Variants in ZDHHC19 observed in about 807,000 individuals in gnomAD.
ZDHHC19 encodes zDHHC palmitoyltransferase 19.
A neutral mutation model predicts 33.9 loss-of-function variants in ZDHHC19; 30 were observed. That is an observed-to-expected ratio of 0.88 (90% CI 0.66 to 1.20). The LOEUF is 1.20. Among genes scored for constraint, ZDHHC19 ranks in the 50% most tolerant of loss-of-function variants. The pLI, the probability that ZDHHC19 is intolerant of heterozygous loss-of-function variation, is 0.00. For missense variants in ZDHHC19, 364 were observed against 401.1 expected, an observed-to-expected ratio of 0.91 and a Z score of 0.79; for synonymous variants, 178 against 167.6, an observed-to-expected ratio of 1.06 and a Z score of -0.48.
rs899546922 is a variant in ZDHHC19 at position 196,203,149 on chromosome 3, TA to T, written c.687+4248del. Among the ~76,000 whole-genome samples, 130 of 151,738 alleles carry T rather than the reference TA, an allele frequency of 8.6e-4. No individual in the cohort carries two copies. Among genetic ancestry groups the T allele is most frequent in the African/African-American group, 2.8e-3 (116 of 41,336 alleles). On this transcript the variant is annotated intron_variant, in intron 5 of 7. Transcript: ENST00000296326. The surrounding 1 kb of genome is among the most constrained non-coding windows in gnomAD (Gnocchi z 4.3). ...GGTGACGTGCACCTGTAATTCCAGC[TA>T]CTCGGGAGGCTGAGGCAGGAGAATC...
chr3:196,202,036 G>C (rs1437940728), intron 5 of ZDHHC19, among the ~76,000 whole-genome samples: 1 of 151,938 alleles, frequency 6.6e-6, no homozygotes, highest in Non-Finnish European at 1.5e-5. Flanking sequence ...AATGTTCCAG[G>C]GGCCGGGCGT....
rs556604654 is a variant in ZDHHC19, at chr3:196,208,874, T to G, written c.409-314A>C. 2.4e-5 allele frequency: 9 copies of G among 368,552 alleles called. 1 individual carries two copies. Among genetic ancestry groups the G allele is most frequent in the African/African-American group, 6.1e-5 (3 of 48,782 alleles). 22.8% of individuals were successfully genotyped at this position (368,552 alleles called of 1,614,324 possible). A position where few individuals can be genotyped will look rare whatever the true frequency, so the allele number is the denominator to read the frequency against. ...GTAAACCATCTCTGGACCTCCACTT[T>G]CTCATCCATTCGATGAAGATGACAG... On this transcript the variant is annotated intron_variant, in intron 3 of 7. Coordinates refer to ENST00000296326, the MANE Select transcript of ZDHHC19 (RefSeq NM_001039617.2).
intron 5 of ZDHHC19, 38 bp downstream of exon 5, chr3:196,207,360 C>T (rs1044245408): frequency 6.6e-7 from 1 of 1,525,132 alleles, no homozygotes; most frequent in Non-Finnish European, 8.9e-7. Flanking sequence ...GCGCGGAGGT[C>T]CCCGAGGTGC....
rs1722512860 is a variant in ZDHHC19, at chr3:196,203,406, G to A, written c.687+3992C>T. Among the ~76,000 whole-genome samples the A allele has an allele frequency of 6.6e-6, 1 of 152,194 alleles. No individual in the cohort carries two copies. The highest frequency in any genetic ancestry group is 2.4e-5 in the African/African-American group (1 of 41,440). On this transcript the variant is annotated intron_variant, in intron 5 of 7. Transcript: ENST00000296326. This position sits in a 1 kb window ranked among gnomAD's most constrained non-coding sequence, Gnocchi z 4.3. ...ACAGTTGGGGAAAGTGGACGCCTAG[G>A]TGGCTAAGTAATATACCCAGGATCT...
At chr3:196,206,139 C>T (rs1253246968) in intron 5 of ZDHHC19, among the ~76,000 whole-genome samples, 1 of 151,968 alleles carries the variant, frequency 6.6e-6, no homozygotes. Context: ...GCAACTTCTG[C>T]TTCCCAGGTT....
rs200115901 is a variant in ZDHHC19, at chr3:196,198,492, C to G, written c.774-41G>C. ...CCAGATGCAGGGGCCACCGTCCTCC[C>G]TGGTCCGGCTCCCCTGCCCGCCTCA... On this transcript the variant is annotated intron_variant, in intron 6 of 7. Transcript: ENST00000296326. 186 of 1,597,316 alleles carry G rather than the reference C, an allele frequency of 1.2e-4. 1 individual carries two copies. In the African/African-American group the frequency reaches 2.3e-3, roughly 19 times the overall value.
intron 3 of ZDHHC19, 75 bp downstream of exon 3, chr3:196,209,301 C>T (rs928775226): frequency 1.9e-5 from 29 of 1,512,684 alleles, no homozygotes; most frequent in Non-Finnish European, 2.3e-5. Context: ...CCAGCCCTGG[C>T]CCCTGTATGA....
At chr3:196,200,009 G>A (rs1722140419) in intron 5 of ZDHHC19, among the ~76,000 whole-genome samples, 1 of 151,738 alleles carries the variant, frequency 6.6e-6, no homozygotes, top group African/African-American at 2.4e-5. Context: ...TGGAATTTGG[G>A]CCAGGCATGG....
At chr3:196,207,937 T>C (rs1158129877) in intron 4 of ZDHHC19, among the ~76,000 whole-genome samples, 3 of 125,222 alleles carry the variant, frequency 2.4e-5, no homozygotes, top group African/African-American at 8.6e-5. Flanking sequence ...TTCCTTTTTC[T>C]TTTCTTTTCT....
At position 196,198,278 on chromosome 3, in the gene ZDHHC19, C is replaced by G; in HGVS notation, c.*17G>C. ...CCACGCACACACACGCTTCTTACCT[C>G]CTGGAGAGCTGCAGCCTCACCACGC... is the stretch of plus-strand genomic sequence containing the variant. On this transcript the variant is annotated splice_region_variant and 3_prime_UTR_variant, in exon 7 of 8. Coordinates refer to ENST00000296326, the MANE Select transcript of ZDHHC19 (RefSeq NM_001039617.2). The G allele has an allele frequency of 1.3e-6, 2 of 1,500,048 alleles. No homozygotes were observed. The highest frequency in any genetic ancestry group is 1.8e-6 in the Non-Finnish European group (2 of 1,125,730). 92.9% of individuals were successfully genotyped at this position (1,500,048 alleles called of 1,614,324 possible). A position where few individuals can be genotyped will look rare whatever the true frequency, so the allele number is the denominator to read the frequency against.
rs767395366 is a variant in ZDHHC19 at position 196,198,260 on chromosome 3, C to T, written c.*19+16G>A. The T allele has an allele frequency of 1.7e-5, 25 of 1,487,596 alleles. No homozygotes were observed. Among genetic ancestry groups the T allele is most frequent in the Admixed American group, 4.8e-5 (2 of 41,478 alleles). 92.1% of individuals were successfully genotyped at this position (1,487,596 alleles called of 1,614,324 possible). On this transcript the variant is annotated intron_variant, in intron 7 of 7. Coordinates refer to ENST00000296326, the MANE Select transcript of ZDHHC19 (RefSeq NM_001039617.2). ...CCCGACACGCACAGACACCCACGCA[C>T]ACACACGCTTCTTACCTCCTGGAGA...
Position 196,208,544 on chromosome 3 carries a change from C to T in ZDHHC19, c.425G>A (p.Cys142Tyr). The T allele has an allele frequency of 6.2e-7, 1 of 1,614,082 alleles. No homozygotes were observed. Residue 142 changes from cysteine (C) to tyrosine (Y), a missense_variant, in exon 4 of 8, where the codon TGC (cysteine) becomes TAC (tyrosine). Coordinates refer to ENST00000296326, the MANE Select transcript of ZDHHC19 (RefSeq NM_001039617.2). ...NICVEDFDHH[C>Y]KWVNNCIGHR... ...ACCGATGCAGTTATTGACCCACTTG[C>T]AGTGGTGGTCAAAGTCCTGGGCGAC...
rs1722522632 is a variant in ZDHHC19, at chr3:196,203,589, G to A, written c.687+3809C>T. On this transcript the variant is annotated intron_variant, in intron 5 of 7. Coordinates refer to ENST00000296326, the MANE Select transcript of ZDHHC19 (RefSeq NM_001039617.2). The surrounding 1 kb of genome is among the most constrained non-coding windows in gnomAD (Gnocchi z 4.3). Reference sequence around the variant, plus strand: ...AGGCCTGAGGCAGGTGCTGCGGGCTGCGGGAAGGAGCCCTGCCTGGTGAAT... The same window carrying A: ...AGGCCTGAGGCAGGTGCTGCGGGCTACGGGAAGGAGCCCTGCCTGGTGAAT... 6.6e-6 allele frequency among the ~76,000 whole-genome samples: 1 copy of A among 152,216 alleles called. No individual in the cohort carries two copies. The highest frequency in any genetic ancestry group is 1.5e-5 in the Non-Finnish European group (1 of 68,042).
Position 196,208,441 on chromosome 3 carries a change from G to A in ZDHHC19, c.528C>T (p.Leu176=), listed in dbSNP as rs776132296. ...GGTGGGTTGTGCGCACCAGGAAGAT[G>A]AGACAGGTGACCAGCATGGCGCCCG... is the stretch of plus-strand genomic sequence containing the variant. ...LYSGAMLVTC[L]IFLVRTTHLP... Residue 176 remains leucine, a synonymous_variant, in exon 4 of 8, where the codon CTC becomes CTT. Transcript: ENST00000296326. 1 of 1,614,176 alleles carries A rather than the reference G, an allele frequency of 6.2e-7. No homozygotes were observed. Among genetic ancestry groups the A allele is most frequent in the Non-Finnish European group, 8.5e-7 (1 of 1,180,018 alleles).
At chr3:196,207,363 C>G in intron 5 of ZDHHC19, 35 bp downstream of exon 5, 1 of 1,532,886 alleles carries the variant, frequency 6.5e-7, no homozygotes, top group South Asian at 1.2e-5. Flanking sequence ...CGGAGGTCCC[C>G]GAGGTGCAAG....
Position 196,198,860 on chromosome 3 carries a change from C to T in ZDHHC19, c.702G>A (p.Gln234=), listed in dbSNP as rs757618287. Residue 234 remains glutamine, a synonymous_variant, in exon 6 of 8, where the codon CAG becomes CAA. Coordinates refer to ENST00000296326, the MANE Select transcript of ZDHHC19 (RefSeq NM_001039617.2). Reference sequence around the variant, plus strand: ...AGCCCTGGTCGAAGGGGTTGTATCCCTGAAGGTGTCTGCACTGGTCGGGGA... The same window carrying T: ...AGCCCTGGTCGAAGGGGTTGTATCCTTGAAGGTGTCTGCACTGGTCGGGGA... The part of the protein sequence containing the change: ...RTYKGKCRHL[Q]GYNPFDQGCA... 9 of 1,613,870 alleles carry T rather than the reference C, an allele frequency of 5.6e-6. No individual in the cohort carries two copies. The highest frequency in any genetic ancestry group is 2.7e-5 in the African/African-American group (2 of 74,924).
At chr3:196,199,881 G>T (rs4916489) in intron 5 of ZDHHC19, among the ~76,000 whole-genome samples, 138,112 of 151,576 alleles carry the variant, frequency 0.91, 63,162 homozygotes, top group East Asian at 1. Flanking sequence ...GGAGGCGGAG[G>T]TTGCAGTGAG....
At position 196,211,397 on chromosome 3, in the gene ZDHHC19, C is replaced by T. The variant is rs924658146; in HGVS notation, c.-82G>A. 33 of 1,495,842 alleles carry T rather than the reference C, an allele frequency of 2.2e-5. No homozygotes were observed. The highest frequency in any genetic ancestry group is 2.4e-5 in the Non-Finnish European group (27 of 1,114,628). The allele number at this position is 1,495,842 out of a possible 1,614,324, so 92.7% of individuals were successfully genotyped here. ...CCCAGCTTCCAGAGCTCCATGGCCA[C>T]GGCAGCCTCAGAGCCGCAGCCCAGG... On this transcript the variant is annotated 5_prime_UTR_variant, in exon 1 of 8. In the 5' UTR this introduces an upstream ATG that the reference lacks. Coordinates refer to ENST00000296326, the MANE Select transcript of ZDHHC19 (RefSeq NM_001039617.2).
chr3:196,202,749 G>A (rs1440690940), intron 5 of ZDHHC19, among the ~76,000 whole-genome samples: 1 of 152,204 alleles, frequency 6.6e-6, no homozygotes, highest in Non-Finnish European at 1.5e-5. Context: ...GGCTTTGGCC[G>A]CCTGGTGAGA....
Sources: allele counts gnomAD v4.1 joint callset (sites outside exome capture counted in the v4.1 genomes callset), GRCh38; gene constraint gnomAD v4.1.1; non-coding constraint Gnocchi (gnomAD v3.1); transcripts MANE v1.5; gene names NCBI Gene and HGNC (gene_info 2026-07-23, HGNC 2026-07-21).